SIK3: variants seen among roughly 807,000 people sequenced by gnomAD.
The protein encoded by SIK3 is SIK family kinase 3, also known as serine/threonine-protein kinase SIK3.
Under a neutral mutation model 144.2 loss-of-function variants are expected in SIK3, and 28 were observed. The ratio of observed to expected loss-of-function variants is 0.19; its 90% CI spans 0.14 to 0.27. SIK3 has a LOEUF of 0.27. Ranked by LOEUF, SIK3 falls within the 10% of genes least tolerant of loss-of-function variation. The probability of loss-of-function intolerance (pLI) is 1.00; values close to 1 mark genes in which losing one functional copy is unlikely to be tolerated. For synonymous variants in SIK3, 686 were observed against 676.3 expected (o/e 1.01, Z -0.22); for missense variants, 1,319 against 1,776.0 (o/e 0.74, Z 4.62).
chr11:116,979,707 C>T (rs900552742), intron 1 of SIK3, among the ~76,000 whole-genome samples: 6 of 151,986 alleles, frequency 3.9e-5, no homozygotes, highest in Non-Finnish European at 7.4e-5. Context: ...ACTAGCCAGG[C>T]GTGGTAATGG....
chr11:116,953,639 G>A (rs1053646416), intron 3 of SIK3, among the ~76,000 whole-genome samples: 17 of 152,330 alleles, frequency 1.1e-4, no homozygotes, highest in Admixed American at 3.9e-4. Flanking sequence ...TTTAAGGAAC[G>A]CACTCGGGTG....
At chr11:117,008,435 G>T (rs978076679) in intron 1 of SIK3, among the ~76,000 whole-genome samples, 3 of 151,474 alleles carry the variant, frequency 2.0e-5, no homozygotes, top group Non-Finnish European at 1.5e-5. Flanking sequence ...TTATAACCTT[G>T]CAAACTCACA....
chr11:116,927,354 C>A lies in SIK3; in HGVS notation c.481G>T (p.Ala161Ser). The A allele has an allele frequency of 6.2e-7, 1 of 1,613,156 alleles. No individual in the cohort carries two copies. The change falls in exon 4 of 25, where the codon GCA (alanine) becomes TCA (serine). Residue 161 changes from alanine to serine, a missense_variant. By Grantham distance (99) the Ala-to-Ser change is moderately conservative. Around this residue, in one of 8 missense-constraint regions of SIK3, gnomAD observed 125 missense variants for 285.2 expected, o/e 0.44. Coordinates refer to ENST00000445177, the MANE Select transcript of SIK3 (RefSeq NM_001366686.3). ...AACTTCCGACGTGCCTCCTTTTCTG[C>A]CATTCTACCATGGGCCACCAGGTGG... ...FDHLVAHGRM[A>S]EKEARRKFKQ...
At chr11:116,928,019 A>T (rs919816712) in intron 3 of SIK3, among the ~76,000 whole-genome samples, 1 of 152,244 alleles carries the variant, frequency 6.6e-6, no homozygotes, top group Non-Finnish European at 1.5e-5. Flanking sequence ...TTACAAAATG[A>T]TAATTTTTAC....
intron 1 of SIK3, among the ~76,000 whole-genome samples, chr11:117,092,330 T>C (rs1955284245): frequency 6.6e-6 from 1 of 152,134 alleles, no homozygotes; most frequent in Admixed American, 6.6e-5. Flanking sequence ...GCACATGCCA[T>C]TCCTTCTGTA....
At position 116,988,243 on chromosome 11, in the gene SIK3, C is replaced by CG. The variant is rs1167076854; in HGVS notation, c.274-31180dup. Among the ~76,000 whole-genome samples, 8 of 151,906 alleles carry CG rather than the reference C, an allele frequency of 5.3e-5. No individual in the cohort carries two copies. The East Asian group carries it at 1.4e-3, about 26-fold the overall frequency. ...TCTACTAAAACTACAAAAAATTAGC[C>CG]GGCACGGTGGCAGGCGCCTGTAGTC... On this transcript the variant is annotated intron_variant, in intron 1 of 24. Transcript: ENST00000445177.
intron 4 of SIK3, among the ~76,000 whole-genome samples, chr11:116,910,657 A>T (rs1003513510): frequency 6.6e-6 from 1 of 152,182 alleles, no homozygotes. Flanking sequence ...GATCATTACC[A>T]CTAGCTGGAT....
At chr11:116,852,680 G>A (rs1028866438) in intron 21 of SIK3, among the ~76,000 whole-genome samples, 1 of 152,180 alleles carries the variant, frequency 6.6e-6, no homozygotes, top group Non-Finnish European at 1.5e-5. Flanking sequence ...GCATAAGGAC[G>A]TGCTGAGTCA....
chr11:117,033,625 TGTGAAGCCAGGAGGCGGAGCTTGCA>T (rs1434666928), intron 1 of SIK3, among the ~76,000 whole-genome samples: 1 of 143,048 alleles, frequency 7.0e-6, no homozygotes, highest in Non-Finnish European at 1.5e-5. Flanking sequence ...AGGAGAATGG[TGTGAAGCCAGGAGGCGGAGCTTGCA>T]GTGAGCAGAG....
chr11:117,043,026 G>A (rs958169418), intron 1 of SIK3, among the ~76,000 whole-genome samples: 1 of 152,124 alleles, frequency 6.6e-6, no homozygotes, highest in Non-Finnish European at 1.5e-5. Context: ...TCTTAAATCA[G>A]TAAATCTTTT....
chr11:116,886,830 G>A (rs1479031504), intron 6 of SIK3, among the ~76,000 whole-genome samples: 1 of 152,166 alleles, frequency 6.6e-6, no homozygotes, highest in Non-Finnish European at 1.5e-5. Context: ...CAGATCAGAG[G>A]AAATATTTGC....
intron 1 of SIK3, among the ~76,000 whole-genome samples, chr11:116,964,930 C>T (rs574913782): frequency 6.6e-6 from 1 of 152,038 alleles, no homozygotes; most frequent in East Asian, 1.9e-4. Flanking sequence ...ATGTATAGTG[C>T]TTTTTAGGTG....
chr11:116,977,938 G>A (rs1348107037), intron 1 of SIK3, among the ~76,000 whole-genome samples: 2 of 152,214 alleles, frequency 1.3e-5, no homozygotes, highest in Admixed American at 6.5e-5. Context: ...CTATCTGCAA[G>A]CCGGGTGCGG....
chr11:117,061,966 C>T (rs17120267), intron 1 of SIK3, among the ~76,000 whole-genome samples: 103 of 150,866 alleles, frequency 6.8e-4, no homozygotes, highest in African/African-American at 2.2e-3. Context: ...TTAATATGAC[C>T]GTTTCAAATA....
At chr11:117,000,309 A>G (rs923356835) in intron 1 of SIK3, among the ~76,000 whole-genome samples, 1 of 152,250 alleles carries the variant, frequency 6.6e-6, no homozygotes. Context: ...AGATGTGCAC[A>G]GGAGACTTGA....
In SIK3 at chr11:116,986,033, T is replaced by C. The variant is rs556683914; in HGVS notation, c.274-28969A>G. On this transcript the variant is annotated intron_variant, in intron 1 of 24. Transcript: ENST00000445177. ...TCACTTTATTTAGTGAAATGACCCA[T>C]CAAGGGCATCAATCATTCTGGTGGC... Among the ~76,000 whole-genome samples, 3 of 152,296 alleles carry C rather than the reference T, an allele frequency of 2.0e-5. No individual in the cohort carries two copies. In the South Asian group the frequency reaches 6.2e-4, roughly 32 times the overall value.
intron 1 of SIK3, among the ~76,000 whole-genome samples, chr11:117,073,868 T>C (rs1954386668): frequency 2.0e-5 from 3 of 152,248 alleles, no homozygotes; most frequent in Admixed American, 2.0e-4. Flanking sequence ...CCACAGCTGC[T>C]AAGAAAATTT....
intron 4 of SIK3, among the ~76,000 whole-genome samples, chr11:116,902,351 C>T (rs563675840): frequency 1.3e-5 from 2 of 152,276 alleles, no homozygotes; most frequent in African/African-American, 4.8e-5. Context: ...AGGCACAAAC[C>T]TAATAGTGTG....
At chr11:117,031,511 ATTTTAT>A in intron 1 of SIK3, among the ~76,000 whole-genome samples, 1 of 149,040 alleles carries the variant, frequency 6.7e-6, no homozygotes, top group East Asian at 1.9e-4. Flanking sequence ...ATTTTATTTT[ATTTTAT>A]TTTTATTTTA....
Sources: gnomAD v4.1 joint callset for allele counts (sites outside exome capture counted in the v4.1 genomes callset) on GRCh38, gnomAD v4.1.1 for gene constraint, gnomAD v4.1.1 regional missense constraint, MANE v1.5 for transcripts, NCBI Gene and HGNC (gene_info 2026-07-23, HGNC 2026-07-21) for gene names.